STRA8: variants seen among roughly 807,000 people sequenced by gnomAD.
STRA8 encodes stimulated by retinoic acid gene 8 protein homolog.
In STRA8, 18 loss-of-function variants were observed where a neutral mutation model predicts 37.1. That is an observed-to-expected ratio of 0.48 (90% confidence interval 0.34 to 0.72). The LOEUF (loss-of-function observed/expected upper bound fraction) is 0.72. Among genes scored for constraint, STRA8 ranks in the 30% least tolerant of loss-of-function variants. The probability of loss-of-function intolerance (pLI) is 0.01; values close to 1 mark genes in which losing one functional copy is unlikely to be tolerated. For missense variants in STRA8, 357 were observed against 410.4 expected, an observed-to-expected ratio of 0.87 and a Z score of 1.13; for synonymous variants, 168 against 162.9, an observed-to-expected ratio of 1.03 and a Z score of -0.24.
At chr7:135,249,350 A>G (rs1832607493) in intron 6 of STRA8, among the ~76,000 whole-genome samples, 1 of 152,146 alleles carries the variant, frequency 6.6e-6, no homozygotes, top group African/African-American at 2.4e-5. Flanking sequence ...TTGGGAGGCC[A>G]AGGTGGGTGG....
At chr7:135,239,551 C>T (rs765366050) in intron 1 of STRA8, among the ~76,000 whole-genome samples, 1 of 152,154 alleles carries the variant, frequency 6.6e-6, no homozygotes, top group South Asian at 2.1e-4. Flanking sequence ...ACTGAGGGTA[C>T]AGAAGTGACG....
rs1832446424 is a variant in STRA8, at chr7:135,240,547, G to A, written c.23G>A (p.Ser8Asn). The change falls in exon 2 of 9, where the codon AGC becomes AAC. Residue 8 changes from serine to asparagine, a missense_variant. Coordinates refer to ENST00000662584, the MANE Select transcript of STRA8 (RefSeq NM_001394401.1). ...ATAATGGCAACCCCTGAAGAAAACAGCAATCCCCATGACAGAGCAACACCC... is the reference window on the plus strand; with the variant it reads ...ATAATGGCAACCCCTGAAGAAAACAACAATCCCCATGACAGAGCAACACCC... MATPEEN[S>N]NPHDRATPQL... 6.2e-7 allele frequency: 1 copy of A among 1,613,566 alleles called. No individual in the cohort carries two copies. The highest frequency in any genetic ancestry group is 1.7e-5 in the Admixed American group (1 of 59,964).
intron 3 of STRA8, 119 bp from the exon 4 acceptor site, chr7:135,243,207 A>T (rs541979421): frequency 1.0e-6 from 1 of 964,446 alleles, no homozygotes; most frequent in East Asian, 2.5e-5. Flanking sequence ...GGTCTCCCTA[A>T]TGCTGACCCT....
At chr7:135,233,511 C>A (rs1832322346), upstream of STRA8, among the ~76,000 whole-genome samples, 1 of 152,114 alleles carries the variant, frequency 6.6e-6, no homozygotes, top group Admixed American at 6.5e-5. Context: ...TGAGTGGAAC[C>A]AGCTGGAGGG....
At chr7:135,245,231 T>C in intron 4 of STRA8, 57 bp from the exon 5 acceptor site, 1 of 779,746 alleles carries the variant, frequency 1.3e-6, no homozygotes, top group Admixed American at 1.7e-5. Context: ...GAATTTCTTG[T>C]CCATGTTCAT....
intron 6 of STRA8, among the ~76,000 whole-genome samples, chr7:135,247,663 G>A (rs1176038693): frequency 6.6e-6 from 1 of 152,210 alleles, no homozygotes; most frequent in Non-Finnish European, 1.5e-5. Context: ...GCCCTTGAAA[G>A]GCCGTCAGTT....
chr7:135,236,670 G>C (rs771849027), intron 1 of STRA8, among the ~76,000 whole-genome samples: 19 of 152,038 alleles, frequency 1.2e-4, no homozygotes, highest in Admixed American at 9.8e-4. Flanking sequence ...ATTTTTGAAG[G>C]CTTCTCAATG....
chr7:135,232,276 G>A (rs1383760220), upstream of STRA8, among the ~76,000 whole-genome samples: 1 of 151,906 alleles, frequency 6.6e-6, no homozygotes, highest in Non-Finnish European at 1.5e-5. Context: ...GGCTGGTGGT[G>A]GGAGGTTGGT....
intron 1 of STRA8, 142 bp from the exon 2 acceptor site, chr7:135,240,377 C>A: frequency 1.3e-6 from 1 of 749,634 alleles, no homozygotes. Context: ...TTGCCAATAA[C>A]TGAATTCATG....
chr7:135,247,567 C>G (rs553829426), intron 6 of STRA8, among the ~76,000 whole-genome samples: 2 of 152,220 alleles, frequency 1.3e-5, no homozygotes, highest in Non-Finnish European at 2.9e-5. Flanking sequence ...CTCCTCCCCT[C>G]TCATTGGTTG....
At chr7:135,251,525 C>T (rs567735060) in intron 6 of STRA8, among the ~76,000 whole-genome samples, 1 of 152,288 alleles carries the variant, frequency 6.6e-6, no homozygotes, top group African/African-American at 2.4e-5. Flanking sequence ...CCACCTTCGT[C>T]GGCAAGAGGA....
At chr7:135,253,903 CCTATGGGTGCCT>C (rs1394867493) in intron 7 of STRA8, among the ~76,000 whole-genome samples, 1 of 152,202 alleles carries the variant, frequency 6.6e-6, no homozygotes, top group African/African-American at 2.4e-5. Context: ...GGGAGCCTGG[CCTATGGGTGCCT>C]GTGAGGCCTT....
chr7:135,234,078 G>GGATGATGAT (rs138996477), intron 1 of STRA8, among the ~76,000 whole-genome samples, 175 bp downstream of exon 1: 2 of 150,696 alleles, frequency 1.3e-5, no homozygotes, highest in African/African-American at 4.9e-5. Flanking sequence ...GAGTGATTCT[G>GGATGATGAT]GATGATGATG....
chr7:135,248,363 C>T (rs745778328), intron 6 of STRA8, among the ~76,000 whole-genome samples: 6 of 150,470 alleles, frequency 4.0e-5, no homozygotes, highest in Non-Finnish European at 7.4e-5. Flanking sequence ...CCTCCATTAT[C>T]TCCCCTGATG....
intron 3 of STRA8, 25 bp downstream of exon 3, chr7:135,242,881 C>G (rs921458048): frequency 1.6e-5 from 26 of 1,609,066 alleles, no homozygotes; most frequent in Non-Finnish European, 2.1e-5. Flanking sequence ...CTTGCCAACC[C>G]CATCTCCCTC....
chr7:135,245,657 C>T (rs1007258212), intron 5 of STRA8, among the ~76,000 whole-genome samples, 130 bp downstream of exon 5: 3 of 151,988 alleles, frequency 2.0e-5, no homozygotes, highest in Non-Finnish European at 2.9e-5. Context: ...CAGACTAGGC[C>T]CTGAATCACG....
intron 7 of STRA8, among the ~76,000 whole-genome samples, chr7:135,254,244 C>T (rs1444739466): frequency 2.0e-5 from 3 of 152,050 alleles, no homozygotes; most frequent in Non-Finnish European, 2.9e-5. Flanking sequence ...ATTCAGAACT[C>T]CCTGCCCTGC....
chr7:135,258,340 A>T, intron 8 of STRA8, 78 bp from the exon 9 acceptor site: 7 of 1,206,962 alleles, frequency 5.8e-6, no homozygotes, highest in Non-Finnish European at 8.3e-6. Flanking sequence ...CACACCGGAG[A>T]TGCAGGAGCC....
chr7:135,253,445 C>T (rs955102216), intron 7 of STRA8, among the ~76,000 whole-genome samples: 4 of 151,938 alleles, frequency 2.6e-5, no homozygotes, highest in East Asian at 1.9e-4. Flanking sequence ...AAGGAGAAGG[C>T]GGGGAGGGGG....
Sources: gnomAD v4.1 joint callset for allele counts (sites outside exome capture counted in the v4.1 genomes callset) on GRCh38, gnomAD v4.1.1 for gene constraint, MANE v1.5 for transcripts, NCBI Gene and HGNC (gene_info 2026-07-23, HGNC 2026-07-21) for gene names.